Variants in GRM7 observed in about 807,000 individuals in gnomAD.
GRM7 encodes the protein glutamate metabotropic receptor 7.
Under a neutral mutation model 84.5 loss-of-function variants are expected in GRM7, and 35 were observed. The observed-to-expected ratio is 0.41, with a 90% CI of 0.32 to 0.55. GRM7 has a LOEUF of 0.55. GRM7 is among the 20% of genes least tolerant of loss of function. The pLI is 0.19. For missense variants in GRM7, 1,003 were observed against 1,194.6 expected (o/e 0.84, Z 2.36); for synonymous variants, 487 against 455.1 (o/e 1.07, Z -0.89).
At chr3:6,920,020 T>C (rs1292712171) in intron 1 of GRM7, among the ~76,000 whole-genome samples, 3 of 152,178 alleles carry the variant, frequency 2.0e-5, no homozygotes, top group Non-Finnish European at 4.4e-5. Flanking sequence ...AACACAGTGG[T>C]TAAGACTTAG....
At chr3:7,615,919 TTATA>T (rs978166416) in intron 8 of GRM7, among the ~76,000 whole-genome samples, 25 of 151,986 alleles carry the variant, frequency 1.6e-4, no homozygotes. Flanking sequence ...TATAACGTAT[TTATA>T]TATACTTGAA....
At chr3:7,043,832 T>C (rs1022373343) in intron 1 of GRM7, among the ~76,000 whole-genome samples, 1 of 152,148 alleles carries the variant, frequency 6.6e-6, no homozygotes, top group Non-Finnish European at 1.5e-5. Flanking sequence ...AATACAAGCC[T>C]TGACTTCCTA....
At chr3:7,491,635 A>G (rs1356047101) in intron 7 of GRM7, among the ~76,000 whole-genome samples, 1 of 152,170 alleles carries the variant, frequency 6.6e-6, no homozygotes, top group Non-Finnish European at 1.5e-5. Flanking sequence ...TAAACTTACC[A>G]GATGATATGT....
intron 1 of GRM7, among the ~76,000 whole-genome samples, chr3:6,990,243 C>T (rs938016409): frequency 6.6e-6 from 1 of 152,148 alleles, no homozygotes; most frequent in South Asian, 2.1e-4. Context: ...GGTCCCCCAG[C>T]CTTGTATTTT....
chr3:7,118,180 G>C (rs2125041293), intron 1 of GRM7, among the ~76,000 whole-genome samples: 1 of 152,192 alleles, frequency 6.6e-6, no homozygotes, highest in Non-Finnish European at 1.5e-5. Flanking sequence ...GAGCCCAGGA[G>C]CTAGAGACCA....
intron 1 of GRM7, among the ~76,000 whole-genome samples, chr3:7,067,374 A>G (rs893763607): frequency 2.6e-5 from 4 of 151,998 alleles, no homozygotes; most frequent in Admixed American, 1.3e-4. Flanking sequence ...TATTACATCA[A>G]CAACGGCCAA....
chr3:7,309,196 G>C (rs1295561044), intron 4 of GRM7, among the ~76,000 whole-genome samples: 1 of 152,162 alleles, frequency 6.6e-6, no homozygotes, highest in Admixed American at 6.5e-5. Context: ...TTTCGTAGCA[G>C]ACAGAACATT....
chr3:7,243,517 C>A (rs910014923), intron 2 of GRM7, among the ~76,000 whole-genome samples: 6 of 152,000 alleles, frequency 3.9e-5, no homozygotes, highest in Admixed American at 2.6e-4. Context: ...TAAAACTTTC[C>A]TAGAGTTTCT....
chr3:7,095,975 C>T (rs986579816), intron 1 of GRM7, among the ~76,000 whole-genome samples: 1 of 152,050 alleles, frequency 6.6e-6, no homozygotes, highest in Non-Finnish European at 1.5e-5. Context: ...TGTATAGATA[C>T]ACATATTCAC....
chr3:7,178,517 C>G (rs998888860), intron 2 of GRM7, among the ~76,000 whole-genome samples: 3 of 152,104 alleles, frequency 2.0e-5, no homozygotes, highest in East Asian at 3.9e-4. Context: ...CAGCTCACCT[C>G]TAATTTCTGT....
At chr3:6,875,133 G>GC (rs1448452038) in intron 1 of GRM7, among the ~76,000 whole-genome samples, 2 of 151,676 alleles carry the variant, frequency 1.3e-5, no homozygotes, top group East Asian at 1.9e-4. Context: ...TAAAAGTTAT[G>GC]CAGAAAATGC....
chr3:7,699,205 T>C (rs562068731), intron 9 of GRM7, among the ~76,000 whole-genome samples: 113 of 152,276 alleles, frequency 7.4e-4, no homozygotes, highest in Admixed American at 2.0e-3. Flanking sequence ...TAAGAAAGAT[T>C]CTACATCTAG....
chr3:7,110,591 T>TCACACA (rs370212342), intron 1 of GRM7, among the ~76,000 whole-genome samples: 17,808 of 143,514 alleles, frequency 0.12, 1,120 homozygotes, highest in South Asian at 0.24. Flanking sequence ...CGATACTCTG[T>TCACACA]CACACACACA....
chr3:7,684,494 C>G (rs1700502465), intron 9 of GRM7, among the ~76,000 whole-genome samples: 1 of 152,190 alleles, frequency 6.6e-6, no homozygotes, highest in Non-Finnish European at 1.5e-5. Flanking sequence ...CAGCTCTGCT[C>G]CATCACTGCA....
At chr3:7,477,975 G>A (rs1226400578) in intron 7 of GRM7, among the ~76,000 whole-genome samples, 1 of 152,122 alleles carries the variant, frequency 6.6e-6, no homozygotes, top group Non-Finnish European at 1.5e-5. Context: ...TGCTCTTCCT[G>A]AAGAGCAAGT....
chr3:7,473,335 G>T (rs182267995), intron 7 of GRM7, among the ~76,000 whole-genome samples: 1 of 152,170 alleles, frequency 6.6e-6, no homozygotes, highest in Non-Finnish European at 1.5e-5. Flanking sequence ...AATATGGATG[G>T]GTGTGATGGC....
intron 8 of GRM7, among the ~76,000 whole-genome samples, chr3:7,590,709 C>T (rs182245965): frequency 1.3e-5 from 2 of 152,114 alleles, no homozygotes; most frequent in Non-Finnish European, 2.9e-5. Context: ...GTCACGCAGA[C>T]CTTTCCATGC....
At chr3:7,075,496 A>ACG (rs1491399036) in intron 1 of GRM7, among the ~76,000 whole-genome samples, 5,741 of 138,480 alleles carry the variant, frequency 0.041, 205 homozygotes, top group East Asian at 0.092. Flanking sequence ...TGCTTCTCAG[A>ACG]TGTGTGTGTG....
chr3:6,914,811 A>G (rs984284292), intron 1 of GRM7, among the ~76,000 whole-genome samples: 1 of 152,076 alleles, frequency 6.6e-6, no homozygotes, highest in Non-Finnish European at 1.5e-5. Flanking sequence ...CATTTAGTGG[A>G]TGTTCAATAA....
Sources: gnomAD v4.1 joint callset for allele counts (sites outside exome capture counted in the v4.1 genomes callset) on GRCh38, gnomAD v4.1.1 for gene constraint, MANE v1.5 for transcripts, NCBI Gene and HGNC (gene_info 2026-07-23, HGNC 2026-07-21) for gene names.